Variants in MYO10 observed in about 807,000 individuals in gnomAD.
MYO10 encodes the protein myosin X.
A neutral mutation model predicts 257.3 loss-of-function variants in MYO10; 133 were observed. The observed-to-expected ratio is 0.52, with a 90% CI of 0.45 to 0.60. The LOEUF is 0.60. Ranked by LOEUF, MYO10 falls within the 20% of genes least tolerant of loss-of-function variation. The pLI is 0.00. For missense variants in MYO10, 2,399 were observed against 2,635.7 expected (o/e 0.91, Z 1.97); for synonymous variants, 1,104 against 1,028.6 (o/e 1.07, Z -1.40).
chr5:16,719,989 C>CGTGTGCGT (rs1554039265), intron 19 of MYO10, among the ~76,000 whole-genome samples: 1 of 143,442 alleles, frequency 7.0e-6, no homozygotes, highest in Non-Finnish European at 1.5e-5. Flanking sequence ...TGTGTGCGTG[C>CGTGTGCGT]GTGTGTGTGT....
intron 31 of MYO10, 111 bp downstream of exon 31, chr5:16,681,760 C>T (rs1323432365): frequency 2.3e-6 from 3 of 1,317,772 alleles, no homozygotes; most frequent in Non-Finnish European, 2.1e-6. Context: ...AAATCTCCAA[C>T]AGTTAAAATG....
chr5:16,823,664 A>AG lies in MYO10; in HGVS notation c.121-5498dup, dbSNP rs547345693. ...TTTTTTTTGTATTTTTAGTAGAGACAGGTTTCACCGTGTTAGCCAGGATGG... is the reference window on the plus strand; with the variant it reads ...TTTTTTTTGTATTTTTAGTAGAGACAGGGTTTCACCGTGTTAGCCAGGATGG... On this transcript the variant is annotated intron_variant, in intron 2 of 40. Transcript: ENST00000513610. 5.1e-3 allele frequency among the ~76,000 whole-genome samples: 763 copies of AG among 150,016 alleles called. 6 individuals are homozygous for AG. Among genetic ancestry groups the AG allele is most frequent in the African/African-American group, 0.018 (723 of 40,828 alleles).
intron 2 of MYO10, among the ~76,000 whole-genome samples, chr5:16,854,307 A>G (rs770492772): frequency 6.6e-6 from 1 of 152,198 alleles, no homozygotes. Context: ...CTTAGGTTTA[A>G]AAGACTATTC....
intron 26 of MYO10, among the ~76,000 whole-genome samples, chr5:16,697,511 C>T (rs768127123): frequency 1.3e-5 from 2 of 152,154 alleles, no homozygotes; most frequent in Middle Eastern, 3.4e-3. Flanking sequence ...ACCAGCCTGG[C>T]CGACATGGTG....
At chr5:16,802,423 C>T (rs1339222713) in intron 3 of MYO10, among the ~76,000 whole-genome samples, 1 of 151,586 alleles carries the variant, frequency 6.6e-6, no homozygotes, top group Non-Finnish European at 1.5e-5. Flanking sequence ...CTCTGGGATG[C>T]TGAGGCGGGT....
chr5:16,849,069 C>T (rs539867520), intron 2 of MYO10, among the ~76,000 whole-genome samples: 9 of 152,264 alleles, frequency 5.9e-5, no homozygotes, highest in Non-Finnish European at 1.0e-4. Context: ...GATCCTCGCC[C>T]GTCAGCCTCC....
At chr5:16,702,877 A>G in intron 23 of MYO10, 48 bp downstream of exon 23, 2 of 1,485,596 alleles carry the variant, frequency 1.3e-6, no homozygotes, top group Non-Finnish European at 1.8e-6. Flanking sequence ...CGAGCACAGC[A>G]CTCAAAATGT....
At chr5:16,679,856 A>T in intron 33 of MYO10, 91 bp downstream of exon 33, 1 of 1,471,470 alleles carries the variant, frequency 6.8e-7, no homozygotes, top group Non-Finnish European at 9.1e-7. Flanking sequence ...CAGAAAAAAA[A>T]CTGAGCTTCA....
chr5:16,679,043 A>G (rs1028894800), intron 33 of MYO10, among the ~76,000 whole-genome samples: 1 of 152,226 alleles, frequency 6.6e-6, no homozygotes, highest in Non-Finnish European at 1.5e-5. Context: ...CATCTCACAT[A>G]GATTTACTGA....
intron 1 of MYO10, among the ~76,000 whole-genome samples, chr5:16,881,927 T>C (rs1744764703): frequency 6.6e-6 from 1 of 152,140 alleles, no homozygotes; most frequent in South Asian, 2.1e-4. Flanking sequence ...ATAGGCAACC[T>C]AGCATATGGA....
intron 2 of MYO10, among the ~76,000 whole-genome samples, chr5:16,818,416 A>ATG (rs1742703701): frequency 1.2e-4 from 18 of 147,408 alleles, no homozygotes; most frequent in African/African-American, 4.1e-4. Flanking sequence ...GTGTGTATAT[A>ATG]TATATATATA....
chr5:16,762,361 C>G (rs1046538028), intron 15 of MYO10, among the ~76,000 whole-genome samples, 184 bp downstream of exon 15: 4 of 152,140 alleles, frequency 2.6e-5, no homozygotes, highest in African/African-American at 9.7e-5. Context: ...TAACAAGTAG[C>G]TCCAAATCTA....
intron 3 of MYO10, among the ~76,000 whole-genome samples, chr5:16,802,282 A>G (rs1200335180): frequency 6.6e-6 from 1 of 152,192 alleles, no homozygotes; most frequent in Non-Finnish European, 1.5e-5. Flanking sequence ...ACTTAACGCT[A>G]TCGAACTGTG....
chr5:16,762,617 A>G lies in MYO10; in HGVS notation c.1515T>C (p.Leu505=). ...GAGGAAAATGGCTTTCTTCATTGAT[A>G]AGGGCTAGGAGGCCAAGTTTCTAGA... is the stretch of plus-strand genomic sequence containing the variant. ...LIEKKLGLLA[L]INEESHFPQA... Residue 505 remains leucine, a synonymous_variant, in exon 15 of 41, where the codon CTT becomes CTC. Coordinates refer to ENST00000513610, the MANE Select transcript of MYO10 (RefSeq NM_012334.3). The G allele has an allele frequency of 6.2e-7, 1 of 1,606,172 alleles. No individual in the cohort carries two copies. The highest frequency in any genetic ancestry group is 1.1e-5 in the South Asian group (1 of 88,956).
intron 2 of MYO10, among the ~76,000 whole-genome samples, chr5:16,830,679 G>GCGCACACACACACACACT (rs1554000804): frequency 6.7e-6 from 1 of 148,920 alleles, no homozygotes; most frequent in East Asian, 2.0e-4. Flanking sequence ...TTTTTAATAG[G>GCGCACACACACACACACT]CACACACACA....
At chr5:16,925,937 C>A (rs928736305) in intron 1 of MYO10, among the ~76,000 whole-genome samples, 3 of 152,168 alleles carry the variant, frequency 2.0e-5, no homozygotes, top group Admixed American at 6.5e-5. Flanking sequence ...CCAAAATGCT[C>A]CAAACAGCAT....
At chr5:16,698,405 T>C (rs1737859768) in intron 26 of MYO10, among the ~76,000 whole-genome samples, 1 of 152,118 alleles carries the variant, frequency 6.6e-6, no homozygotes, top group African/African-American at 2.4e-5. Context: ...TAAATAATTT[T>C]CCAAAAGGAG....
At chr5:16,806,979 C>T (rs917700862) in intron 3 of MYO10, among the ~76,000 whole-genome samples, 2 of 152,164 alleles carry the variant, frequency 1.3e-5, no homozygotes, top group African/African-American at 2.4e-5. Context: ...CAATGCTTTT[C>T]GTCATGTAGT....
At position 16,714,656 on chromosome 5, in the gene MYO10, A is replaced by G. The variant is rs568731029; in HGVS notation, c.1930-3411T>C. Among the ~76,000 whole-genome samples the G allele has an allele frequency of 4.6e-5, 7 of 152,192 alleles. No individual in the cohort carries two copies. In the South Asian group the frequency reaches 1.4e-3, roughly 31 times the overall value. On this transcript the variant is annotated intron_variant, in intron 19 of 40. Transcript: ENST00000513610. ...AACAGGGTGAAACCCCGTCTCTACT[A>G]AAAATACAAAAACAAAATTAGCCGG... is the stretch of plus-strand genomic sequence containing the variant.
Sources: allele counts gnomAD v4.1 joint callset (sites outside exome capture counted in the v4.1 genomes callset), GRCh38; gene constraint gnomAD v4.1.1; transcripts MANE v1.5; gene names NCBI Gene and HGNC (gene_info 2026-07-23, HGNC 2026-07-21).